The following NFASC variants were observed in gnomAD, a reference collection of about 807,000 sequenced individuals.
NFASC encodes the protein neurofascin.
Under a neutral mutation model 147.5 loss-of-function variants are expected in NFASC, and 43 were observed. The observed-to-expected ratio is 0.29, with a 90% CI of 0.23 to 0.38. NFASC has a LOEUF of 0.38. Among genes scored for constraint, NFASC ranks in the 10% least tolerant of loss-of-function variants. The pLI is 1.00. For missense variants in NFASC, 1,320 were observed against 1,689.0 expected, an observed-to-expected ratio of 0.78 and a Z score of 3.83; for synonymous variants, 622 against 665.5, an observed-to-expected ratio of 0.93 and a Z score of 1.01.
At position 204,882,364 on chromosome 1, in the gene NFASC, T is replaced by G. The variant is rs984851152; in HGVS notation, c.-199-38268T>G. On this transcript the variant is annotated intron_variant, in intron 1 of 29. Transcript: ENST00000339876. ...TGCCGGGCTGTCTTTAGGCTTTTCC[T>G]CAATGTTCCAGCCAGCTCTAGCCTT... is the stretch of plus-strand genomic sequence containing the variant. 5.9e-5 allele frequency among the ~76,000 whole-genome samples: 9 copies of G among 152,302 alleles called. 1 individual carries two copies. Among genetic ancestry groups the G allele is most frequent in the Admixed American group, 5.9e-4 (9 of 15,290 alleles).
chr1:204,963,818 T>C (rs2094807636), intron 8 of NFASC, among the ~76,000 whole-genome samples: 1 of 152,238 alleles, frequency 6.6e-6, no homozygotes, highest in Admixed American at 6.5e-5. Flanking sequence ...GAGGATGACT[T>C]CTTTCTGGAG....
At chr1:204,995,154 A>G (rs2095819479) in intron 24 of NFASC, among the ~76,000 whole-genome samples, 2 of 152,174 alleles carry the variant, frequency 1.3e-5, no homozygotes, top group Non-Finnish European at 2.9e-5. Flanking sequence ...AGTCCTGCCC[A>G]AGTAGACAAA....
intron 1 of NFASC, among the ~76,000 whole-genome samples, chr1:204,881,232 G>A (rs1262720674): frequency 1.3e-5 from 2 of 152,176 alleles, no homozygotes; most frequent in Admixed American, 6.5e-5. Context: ...ACCAGCAGAT[G>A]CATCTGTTGA....
chr1:204,870,596 C>G (rs1013457707), intron 1 of NFASC: 1 of 898,732 alleles, frequency 1.1e-6, no homozygotes, highest in African/African-American at 1.8e-5. Flanking sequence ...CTCTGTCTAT[C>G]CCCTCAGGAG....
chr1:204,993,053 G>C (rs116556567), intron 24 of NFASC, among the ~76,000 whole-genome samples: 1 of 152,174 alleles, frequency 6.6e-6, no homozygotes, highest in Admixed American at 6.5e-5. Flanking sequence ...CTTTAAATGC[G>C]TAAGAACCTT....
chr1:204,882,067 C>T (rs1398895470), intron 1 of NFASC, among the ~76,000 whole-genome samples: 1 of 152,160 alleles, frequency 6.6e-6, no homozygotes, highest in East Asian at 1.9e-4. Flanking sequence ...CACTCACCCA[C>T]GCTGTATTCA....
chr1:204,935,208 A>G lies in NFASC; in HGVS notation c.-90-9018A>G, dbSNP rs114576266. 6.4e-3 allele frequency among the ~76,000 whole-genome samples: 969 copies of G among 152,296 alleles called. 8 individuals are homozygous for G. Among genetic ancestry groups the G allele is most frequent in the African/African-American group, 0.022 (922 of 41,566 alleles). On this transcript the variant is annotated intron_variant, in intron 2 of 29. Coordinates refer to ENST00000339876, the MANE Select transcript of NFASC (RefSeq NM_001005388.3). ...GGAAGATGGCAAAGAATTAGGAGAA[A>G]GAAGGAGAGCAGTAAAGGCAGACTA...
chr1:204,879,346 C>T (rs936652947), intron 1 of NFASC, among the ~76,000 whole-genome samples: 1 of 152,192 alleles, frequency 6.6e-6, no homozygotes, highest in Non-Finnish European at 1.5e-5. Flanking sequence ...TCGTCTCCCC[C>T]GCAAAACAGT....
chr1:204,959,265 G>A (rs1230278243), intron 8 of NFASC, among the ~76,000 whole-genome samples: 2 of 152,198 alleles, frequency 1.3e-5, no homozygotes, highest in African/African-American at 4.8e-5. Flanking sequence ...TGCCAAAGGT[G>A]GTAGCCGGCA....
At chr1:204,970,326 C>T (rs949479450) in intron 10 of NFASC, among the ~76,000 whole-genome samples, 1 of 151,206 alleles carries the variant, frequency 6.6e-6, no homozygotes, top group African/African-American at 2.5e-5. Flanking sequence ...CTGAGATAGG[C>T]CCTAACATCC....
rs368511278 is a variant in NFASC, at chr1:204,871,743, C to T, written c.-200+42961C>T. Among the ~76,000 whole-genome samples the T allele has an allele frequency of 2.6e-5, 4 of 152,178 alleles. No homozygotes were observed. The East Asian group carries it at 7.7e-4, about 29-fold the overall frequency. On this transcript the variant is annotated intron_variant, in intron 1 of 29. Transcript: ENST00000339876. The stretch of plus-strand genomic sequence containing the variant: ...TTCTGGGTCAGGAGAGCCTTGGTTT[C>T]CTGTCACTTCATGCTAAACCAAAAC...
At chr1:204,857,664 G>A (rs1201686947) in intron 1 of NFASC, among the ~76,000 whole-genome samples, 3 of 152,168 alleles carry the variant, frequency 2.0e-5, no homozygotes, top group African/African-American at 7.2e-5. Context: ...CTGGCTTGAA[G>A]GGATGTACAC....
At chr1:204,895,142 C>T (rs2149096005) in intron 1 of NFASC, among the ~76,000 whole-genome samples, 1 of 152,296 alleles carries the variant, frequency 6.6e-6, no homozygotes, top group East Asian at 1.9e-4. Context: ...TACTCTTTTA[C>T]ACAAACTTTC....
chr1:204,997,363 G>C lies in NFASC; in HGVS notation c.2976G>C (p.Glu992Asp). 1.9e-6 allele frequency: 3 copies of C among 1,555,078 alleles called. No individual in the cohort carries two copies. The highest frequency in any genetic ancestry group is 2.6e-6 in the Non-Finnish European group (3 of 1,148,946). Residue 992 changes from glutamate to aspartate, a missense_variant, in exon 25 of 30, where the codon GAG becomes GAC. Physicochemically the swap from Glu to Asp is conservative, Grantham distance 45. Transcript: ENST00000339876. ...TTTAAATTTT[E>D]SPPTTTSGTK... ...CTGCTGCCGCCACCACCACCACGGA[G>C]AGTCCTCCCACCACCACCTCCGGGA...
chr1:204,876,993 T>C (rs1166112368), intron 1 of NFASC, among the ~76,000 whole-genome samples: 1 of 55,596 alleles, frequency 1.8e-5, no homozygotes, highest in African/African-American at 1.5e-4. Flanking sequence ...GTTGGCTAAA[T>C]ATGTATATAT....
At chr1:205,007,971 A>G (rs1239651647) in intron 27 of NFASC, among the ~76,000 whole-genome samples, 1 of 152,052 alleles carries the variant, frequency 6.6e-6, no homozygotes, top group East Asian at 1.9e-4. Context: ...GGAAGCAGGG[A>G]TGGGACTTTT....
intron 5 of NFASC, among the ~76,000 whole-genome samples, chr1:204,953,447 G>A (rs923759613): frequency 2.0e-5 from 3 of 152,152 alleles, no homozygotes; most frequent in Non-Finnish European, 4.4e-5. Flanking sequence ...ACAGGCACCC[G>A]CCACCACACC....
intron 1 of NFASC, among the ~76,000 whole-genome samples, chr1:204,859,269 G>A (rs186395048): frequency 1.3e-5 from 2 of 152,320 alleles, no homozygotes; most frequent in South Asian, 4.1e-4. Flanking sequence ...TGCTCACTGT[G>A]CCAGGTGCTT....
intron 28 of NFASC, chr1:205,009,994 T>C (rs1042310595): frequency 9.0e-6 from 3 of 332,806 alleles, no homozygotes; most frequent in Admixed American, 4.1e-5. Context: ...GTTCTATAAA[T>C]TGGCTTTTTT....
Sources: allele counts gnomAD v4.1 joint callset (sites outside exome capture counted in the v4.1 genomes callset), GRCh38; gene constraint gnomAD v4.1.1; transcripts MANE v1.5; gene names NCBI Gene and HGNC (gene_info 2026-07-23, HGNC 2026-07-21).